Variants in MORN1 observed in about 807,000 individuals in gnomAD.
The protein encoded by MORN1 is MORN repeat containing 1.
A neutral mutation model predicts 61.9 loss-of-function variants in MORN1; 67 were observed. That is an observed-to-expected ratio of 1.08 (90% CI 0.89 to 1.33). MORN1 has a LOEUF of 1.33. Ranked by LOEUF, MORN1 falls within the 40% of genes most tolerant of loss-of-function variation. The pLI, the probability that MORN1 is intolerant of heterozygous loss-of-function variation, is 0.00. For synonymous variants in MORN1, 301 were observed against 292.0 expected (o/e 1.03, Z -0.31); for missense variants, 752 against 691.2 (o/e 1.09, Z -0.99).
At chr1:2,351,771 G>A in intron 10 of MORN1, 1 of 557,126 alleles carries the variant, frequency 1.8e-6, no homozygotes, top group South Asian at 1.5e-5. Context: ...AGCCTTGAAG[G>A]TGCCAATGAA....
rs867961030 is a variant in MORN1 at position 2,325,164 on chromosome 1, C to T, written c.1251-1021G>A. Among the ~76,000 whole-genome samples, 241 of 108,104 alleles carry T rather than the reference C, an allele frequency of 2.2e-3. 1 individual carries two copies. Among genetic ancestry groups the T allele is most frequent in the Non-Finnish European group, 3.3e-3 (161 of 48,622 alleles). The allele number at this position is 108,104 out of a possible 152,430, so 70.9% of individuals were successfully genotyped here. A position where few individuals can be genotyped will look rare whatever the true frequency, so the allele number is the denominator to read the frequency against. ...CCTCCCTCCCTTCCTTCCCTCCCTT[C>T]CTTCCTTTCCTTCCTTCCCTTCCTT... On this transcript the variant is annotated intron_variant, in intron 12 of 13. Coordinates refer to ENST00000378531, the MANE Select transcript of MORN1 (RefSeq NM_024848.3).
chr1:2,335,842 C>CCAGCG (rs201818646), intron 12 of MORN1, among the ~76,000 whole-genome samples: 24 of 150,860 alleles, frequency 1.6e-4, no homozygotes, highest in African/African-American at 6.0e-4. Context: ...CCAGCCCAGC[C>CCAGCG]CAGCGCGCAG....
rs370414567 is a variant in MORN1, at chr1:2,342,867, A to ATTTTATTTTATTTATTTTATTTTAT, written c.1037-6018_1037-6017insATAAAATAAAATAAATAAAATAAAA. Among the ~76,000 whole-genome samples, 357 of 101,048 alleles carry ATTTTATTTTATTTATTTTATTTTAT rather than the reference A, an allele frequency of 3.5e-3. 3 individuals carry two copies. Among genetic ancestry groups the ATTTTATTTTATTTATTTTATTTTAT allele is most frequent in the Middle Eastern group, 8.8e-3 (2 of 228 alleles). The allele number at this position is 101,048 out of a possible 152,430, so 66.3% of individuals were successfully genotyped here. On this transcript the variant is annotated intron_variant, in intron 10 of 13. Transcript: ENST00000378531. ...ATTTTATTTTATTTTATTTTATTTTATTTATTTTATTTTATTTTATTTTAT... is the reference window on the plus strand; with the variant it reads ...ATTTTATTTTATTTTATTTTATTTTATTTTATTTTATTTATTTTATTTTATTTTATTTTATTTTATTTTATTTTAT...
intron 5 of MORN1, chr1:2,385,320 A>C: frequency 1.0e-4 from 55 of 524,658 alleles, no homozygotes; most frequent in Non-Finnish European, 1.1e-4. Flanking sequence ...GCTACTCAAA[A>C]TGGGAAATGA....
At chr1:2,329,964 G>C (rs1489109063) in intron 12 of MORN1, among the ~76,000 whole-genome samples, 1 of 152,214 alleles carries the variant, frequency 6.6e-6, no homozygotes, top group African/African-American at 2.4e-5. Flanking sequence ...GAGAGGACTA[G>C]AGGGAGCTCC....
chr1:2,360,280 A>G (rs1641866160), intron 8 of MORN1, among the ~76,000 whole-genome samples: 1 of 152,224 alleles, frequency 6.6e-6, no homozygotes. Flanking sequence ...ACACTAGCGT[A>G]GCCTGCTGGA....
At chr1:2,385,925 G>A (rs545167975) in intron 4 of MORN1, 28 bp from the exon 5 acceptor site, 1 of 1,599,810 alleles carries the variant, frequency 6.3e-7, no homozygotes, top group Admixed American at 1.7e-5. Flanking sequence ...AGACAGACTT[G>A]GCTTTGTGCC....
Position 2,381,392 on chromosome 1 carries a change from C to A in MORN1, c.537+3586G>T, listed in dbSNP as rs534752741. Among the ~76,000 whole-genome samples, 7 of 152,336 alleles carry A rather than the reference C, an allele frequency of 4.6e-5. 1 individual carries two copies. In the South Asian group the frequency reaches 8.3e-4, roughly 18 times the overall value. On this transcript the variant is annotated intron_variant, in intron 6 of 13. Transcript: ENST00000378531. The stretch of plus-strand genomic sequence containing the variant: ...TGCCCGTGCCTGCAGGTGTCAGCAG[C>A]GTGGACGAGGCCAGGGGACTGCTGC...
intron 10 of MORN1, among the ~76,000 whole-genome samples, chr1:2,355,778 C>T (rs1015037995): frequency 2.0e-5 from 3 of 152,206 alleles, no homozygotes; most frequent in Admixed American, 6.5e-5. Flanking sequence ...CTGCCAACCA[C>T]GCCCCTCAGC....
At chr1:2,366,857 A>G (rs1170037066) in intron 8 of MORN1, among the ~76,000 whole-genome samples, 1 of 152,200 alleles carries the variant, frequency 6.6e-6, no homozygotes, top group Admixed American at 6.5e-5. Context: ...TCATAGTCAG[A>G]TATTTCAATA....
At chr1:2,322,315 C>T (rs755301617) in intron 13 of MORN1, 187 of 985,302 alleles carry the variant, frequency 1.9e-4, no homozygotes, top group Non-Finnish European at 2.2e-4. Context: ...GGAAAAAGCG[C>T]CTCGGCTGGC....
chr1:2,347,446 C>T (rs1641541406), intron 10 of MORN1, among the ~76,000 whole-genome samples: 1 of 152,194 alleles, frequency 6.6e-6, no homozygotes, highest in Non-Finnish European at 1.5e-5. Context: ...TGGTCAGGCA[C>T]AGGCTGTCTC....
rs61762088 is a variant in MORN1, at chr1:2,334,682, C to T, written c.1250+1787G>A. Among the ~76,000 whole-genome samples the T allele has an allele frequency of 0.054, 8,277 of 152,280 alleles. 262 individuals are homozygous for T. Among genetic ancestry groups the T allele is most frequent in the South Asian group, 0.071 (343 of 4,830 alleles). ...GACATCATTTGAACACTGAACACTC[C>T]GACTCCGCGGCCAGGTCGTCCTGGG... On this transcript the variant is annotated intron_variant, in intron 12 of 13. Transcript: ENST00000378531. The surrounding 1 kb of genome is among the most constrained non-coding windows in gnomAD (Gnocchi z 5.4).
intron 5 of MORN1, 106 bp downstream of exon 5, chr1:2,385,701 C>T (rs935475688): frequency 7.6e-5 from 78 of 1,028,868 alleles, no homozygotes; most frequent in Middle Eastern, 6.2e-4. Flanking sequence ...GGAACAGGCC[C>T]GGGGTGTCCC....
chr1:2,345,745 C>T (rs983543152), intron 10 of MORN1, among the ~76,000 whole-genome samples: 2 of 152,178 alleles, frequency 1.3e-5, no homozygotes, highest in African/African-American at 4.8e-5. Context: ...GTGCCCATGC[C>T]AGCCAAGCTC....
chr1:2,322,173 C>T, intron 13 of MORN1: 4 of 985,386 alleles, frequency 4.1e-6, no homozygotes, highest in African/African-American at 1.7e-5. Flanking sequence ...CTTTCACAGT[C>T]TGTAAACTGT....
In MORN1 at chr1:2,390,566, T is replaced by C. The variant is rs1266751983; in HGVS notation, c.77-570A>G. 3 of 985,148 alleles carry C rather than the reference T, an allele frequency of 3.0e-6. No individual in the cohort carries two copies. In the African/African-American group the frequency reaches 5.2e-5, roughly 17 times the overall value. 61.0% of individuals were successfully genotyped at this position (985,148 alleles called of 1,614,324 possible). A position where few individuals can be genotyped will look rare whatever the true frequency, so the allele number is the denominator to read the frequency against. Reference sequence around the variant, plus strand: ...TGGGCAGGGCTCCCTCCCTACCAGCTCCTCAGGCACATTTTGTGGGCAGGG... The same window carrying C: ...TGGGCAGGGCTCCCTCCCTACCAGCCCCTCAGGCACATTTTGTGGGCAGGG... On this transcript the variant is annotated intron_variant, in intron 1 of 13. Coordinates refer to ENST00000378531, the MANE Select transcript of MORN1 (RefSeq NM_024848.3).
intron 10 of MORN1, among the ~76,000 whole-genome samples, chr1:2,342,862 ATTTTATTTATTTTAT>A (rs869110816): frequency 0.012 from 1,329 of 109,940 alleles, 14 homozygotes; most frequent in Non-Finnish European, 0.017. Context: ...ATTTTATTTT[ATTTTATTTATTTTAT>A]TTTATTTTAT....
chr1:2,372,288 C>T lies in MORN1; in HGVS notation c.745+193G>A. ...CACAATATGTGCACACATGCTTGCA[C>T]ACACACCCAAGGCTGCCCTGACTGG... is the stretch of plus-strand genomic sequence containing the variant. On this transcript the variant is annotated intron_variant, in intron 8 of 13. Transcript: ENST00000378531. The surrounding 1 kb of genome is among the most constrained non-coding windows in gnomAD (Gnocchi z 5.4). 1.7e-6 allele frequency: 1 copy of T among 573,982 alleles called. No homozygotes were observed. Among genetic ancestry groups the T allele is most frequent in the Non-Finnish European group, 3.1e-6 (1 of 319,240 alleles). The allele number at this position is 573,982 out of a possible 1,614,324, so 35.6% of individuals were successfully genotyped here.
Sources: allele counts gnomAD v4.1 joint callset (sites outside exome capture counted in the v4.1 genomes callset), GRCh38; gene constraint gnomAD v4.1.1; non-coding constraint Gnocchi (gnomAD v3.1); transcripts MANE v1.5; gene names NCBI Gene and HGNC (gene_info 2026-07-23, HGNC 2026-07-21).